ASIC2: variants seen among roughly 807,000 people sequenced by gnomAD.
The protein encoded by ASIC2 is acid-sensing ion channel 2.
ASIC2 carries 25 observed loss-of-function variants against 57.3 expected under a neutral mutation model. That is an observed-to-expected ratio of 0.44 (90% confidence interval 0.32 to 0.61). ASIC2 has a LOEUF of 0.61. Among genes scored for constraint, ASIC2 ranks in the 20% least tolerant of loss-of-function variants. The probability of loss-of-function intolerance (pLI) is 0.06; values close to 1 mark genes in which losing one functional copy is unlikely to be tolerated. For missense variants in ASIC2, 641 were observed against 738.1 expected, an observed-to-expected ratio of 0.87 and a Z score of 1.52; for synonymous variants, 319 against 307.5, an observed-to-expected ratio of 1.04 and a Z score of -0.39.
At chr17:34,018,914 GTTTTT>G (rs796680487) in intron 1 of ASIC2, among the ~76,000 whole-genome samples, 1 of 146,366 alleles carries the variant, frequency 6.8e-6, no homozygotes, top group South Asian at 2.2e-4. Flanking sequence ...CTTTTTGTTT[GTTTTT>G]TTTTTTGAGA....
At chr17:33,298,905 G>A (rs1427934204) in intron 1 of ASIC2, among the ~76,000 whole-genome samples, 2 of 152,136 alleles carry the variant, frequency 1.3e-5, no homozygotes, top group African/African-American at 4.8e-5. Flanking sequence ...CCTCTTCAAG[G>A]AGAACTACAA....
chr17:33,587,971 T>G (rs1904694891), intron 1 of ASIC2, among the ~76,000 whole-genome samples: 3 of 152,210 alleles, frequency 2.0e-5, no homozygotes, highest in Admixed American at 1.3e-4. Context: ...GATTCAGATT[T>G]TCCTAAGAGG....
At chr17:33,244,062 C>A (rs768461850) in intron 1 of ASIC2, among the ~76,000 whole-genome samples, 9 of 152,192 alleles carry the variant, frequency 5.9e-5, no homozygotes, top group Non-Finnish European at 1.2e-4. Context: ...AAATGCACAT[C>A]GCTAGGCTAA....
rs532568673 is a variant in ASIC2, at chr17:33,618,576, T to C, written c.556-506509A>G. Among the ~76,000 whole-genome samples the C allele has an allele frequency of 8.5e-5, 13 of 152,288 alleles. No individual in the cohort carries two copies. In the East Asian group the frequency reaches 1.4e-3, roughly 16 times the overall value. ...TTGTGGTACCAGCCCTGAACAATGT[T>C]TGCATTCTTTCTCCTCCTCATCCAT... On this transcript the variant is annotated intron_variant, in intron 1 of 9. Transcript: ENST00000359872.
chr17:33,410,801 C>A (rs758360303), intron 1 of ASIC2, among the ~76,000 whole-genome samples: 3 of 152,184 alleles, frequency 2.0e-5, no homozygotes, highest in African/African-American at 4.8e-5. Flanking sequence ...AGCATAGTAC[C>A]TTTTCCTCTG....
chr17:33,996,490 ATTGT>A lies in ASIC2; in HGVS notation c.555+159484_555+159487del, dbSNP rs565760224. Among the ~76,000 whole-genome samples, 47 of 152,194 alleles carry A rather than the reference ATTGT, an allele frequency of 3.1e-4. 2 individuals are homozygous for A. In the South Asian group the frequency reaches 9.7e-3, roughly 32 times the overall value. On this transcript the variant is annotated intron_variant, in intron 1 of 9. Transcript: ENST00000359872. ...TAGCACTTTTACAGTTTCTAGTATC[ATTGT>A]TTAAGTCTTTAATGCATTTCAAGTT...
At chr17:33,056,691 A>G (rs2141934359) in intron 3 of ASIC2, among the ~76,000 whole-genome samples, 1 of 152,332 alleles carries the variant, frequency 6.6e-6, no homozygotes, top group African/African-American at 2.4e-5. Context: ...GATTGCTCTT[A>G]GAAAGAAATT....
At chr17:33,932,252 C>T (rs902974082) in intron 1 of ASIC2, among the ~76,000 whole-genome samples, 1 of 152,110 alleles carries the variant, frequency 6.6e-6, no homozygotes, top group Non-Finnish European at 1.5e-5. Flanking sequence ...GCTTTGAGCT[C>T]CTGAAACATG....
chr17:33,365,545 C>A (rs768550088), intron 1 of ASIC2, among the ~76,000 whole-genome samples: 30 of 152,094 alleles, frequency 2.0e-4, no homozygotes, highest in Non-Finnish European at 3.5e-4. Flanking sequence ...GTCGTGAGTA[C>A]CTGTTACACA....
intron 1 of ASIC2, among the ~76,000 whole-genome samples, chr17:34,010,634 C>G (rs774569286): frequency 6.6e-6 from 1 of 151,974 alleles, no homozygotes; most frequent in African/African-American, 2.4e-5. Flanking sequence ...CAAAAACACA[C>G]AGAGAGGCAC....
chr17:33,880,675 G>A (rs1298555857), intron 1 of ASIC2, among the ~76,000 whole-genome samples: 1 of 152,152 alleles, frequency 6.6e-6, no homozygotes, highest in Non-Finnish European at 1.5e-5. Context: ...TTCTACCAGA[G>A]GTACAAGGAG....
At chr17:33,780,038 T>G (rs1352391839) in intron 1 of ASIC2, among the ~76,000 whole-genome samples, 1 of 146,580 alleles carries the variant, frequency 6.8e-6, no homozygotes, top group African/African-American at 2.6e-5. Context: ...TGGCATGATC[T>G]TAGCTCACTC....
At chr17:33,918,914 G>A (rs772659916) in intron 1 of ASIC2, among the ~76,000 whole-genome samples, 1 of 152,200 alleles carries the variant, frequency 6.6e-6, no homozygotes, top group Non-Finnish European at 1.5e-5. Flanking sequence ...GGACACTGGT[G>A]CTGAGTTAGC....
intron 1 of ASIC2, among the ~76,000 whole-genome samples, chr17:33,869,906 T>G (rs961742893): frequency 6.6e-6 from 1 of 152,216 alleles, no homozygotes; most frequent in African/African-American, 2.4e-5. Context: ...GAATTATATC[T>G]CAATAAAAGT....
At chr17:33,094,655 G>A (rs1461690936) in intron 2 of ASIC2, among the ~76,000 whole-genome samples, 2 of 152,178 alleles carry the variant, frequency 1.3e-5, no homozygotes, top group Non-Finnish European at 1.5e-5. Flanking sequence ...TTGAGCAAGT[G>A]CATAGGGATG....
intron 1 of ASIC2, among the ~76,000 whole-genome samples, chr17:34,144,519 A>ACT (rs1455888933): frequency 6.6e-6 from 1 of 152,210 alleles, no homozygotes; most frequent in Admixed American, 6.5e-5. Flanking sequence ...AGTAATAATA[A>ACT]TAGTAACAAC....
intron 1 of ASIC2, among the ~76,000 whole-genome samples, chr17:33,367,224 G>A (rs539990848): frequency 6.6e-6 from 1 of 152,210 alleles, no homozygotes; most frequent in South Asian, 2.1e-4. Flanking sequence ...CTGGGAGGGA[G>A]CCAGAGGCTC....
intron 1 of ASIC2, chr17:34,039,842 G>C: frequency 1.2e-6 from 2 of 1,606,520 alleles, no homozygotes; most frequent in Non-Finnish European, 1.7e-6. Flanking sequence ...TTCTGCCGTC[G>C]TGGGTCCAGG....
intron 1 of ASIC2, among the ~76,000 whole-genome samples, chr17:34,129,709 C>G (rs2142126460): frequency 6.6e-6 from 1 of 152,316 alleles, no homozygotes; most frequent in Middle Eastern, 3.4e-3. Context: ...CAAGATCTTT[C>G]TCAAGCTTCT....
Sources: gnomAD v4.1 joint callset for allele counts (sites outside exome capture counted in the v4.1 genomes callset) on GRCh38, gnomAD v4.1.1 for gene constraint, MANE v1.5 for transcripts, NCBI Gene and HGNC (gene_info 2026-07-23, HGNC 2026-07-21) for gene names.